Variants in GTF2IRD1 observed in about 807,000 individuals in gnomAD.
The protein encoded by GTF2IRD1 is GTF2I repeat domain containing 1, also known as general transcription factor II-I repeat domain-containing protein 1.
A neutral mutation model predicts 113.2 loss-of-function variants in GTF2IRD1; 26 were observed. That is an observed-to-expected ratio of 0.23 (90% CI 0.17 to 0.32). The LOEUF (loss-of-function observed/expected upper bound fraction) is 0.32, where lower values mean the gene tolerates loss of function less well. Ranked by LOEUF, GTF2IRD1 falls within the 10% of genes least tolerant of loss-of-function variation. The pLI, the probability that GTF2IRD1 is intolerant of heterozygous loss-of-function variation, is 1.00. For synonymous variants in GTF2IRD1, 484 were observed against 529.1 expected, an observed-to-expected ratio of 0.91 and a Z score of 1.17; for missense variants, 864 against 1,280.8, an observed-to-expected ratio of 0.67 and a Z score of 4.97.
At position 74,558,938 on chromosome 7, in the gene GTF2IRD1, G is replaced by A. The variant is rs1554358182; in HGVS notation, c.2185G>A (p.Glu729Lys). 5.6e-6 allele frequency: 9 copies of A among 1,614,072 alleles called. No individual in the cohort carries two copies. The highest frequency in any genetic ancestry group is 1.6e-4 in the Middle Eastern group (1 of 6,062). ...IKSNPGSVIIEGLPPGIPFRK... is the reference protein window; with the variant it reads ...IKSNPGSVIIKGLPPGIPFRK... ...GAGTAACCCCGGCTCCGTGATCATC[G>A]AGGGGCTGCCCCCAGGAATCCCGTT... The change falls in exon 21 of 27, where the codon GAG becomes AAG. Residue 729 changes from glutamate (E) to lysine (K), a missense_variant. Physicochemically the swap from Glu to Lys is moderately conservative, Grantham distance 56. This residue lies in a region of GTF2IRD1 where 195 missense variants were observed against 359.1 expected (regional missense o/e 0.54). Transcript: ENST00000424337.
At chr7:74,544,931 G>T in intron 15 of GTF2IRD1, 129 bp downstream of exon 15, 1 of 679,146 alleles carries the variant, frequency 1.5e-6, no homozygotes. Flanking sequence ...GCACCCTGGT[G>T]TGGGGGTGGG....
At chr7:74,505,956 T>TA (rs1455329719) in intron 1 of GTF2IRD1, 2 of 152,252 alleles carry the variant, frequency 1.3e-5, no homozygotes, top group Non-Finnish European at 1.5e-5. Context: ...CAAACTTCTA[T>TA]AAAATTGCAA....
chr7:74,510,306 A>ATT (rs35912885), intron 2 of GTF2IRD1, among the ~76,000 whole-genome samples: 9,075 of 137,092 alleles, frequency 0.066, 998 homozygotes, highest in African/African-American at 0.23. Context: ...GCTATTTGCA[A>ATT]TTTTTTTTTT....
chr7:74,579,635 A>G (rs1401822499), intron 22 of GTF2IRD1, among the ~76,000 whole-genome samples: 1 of 151,774 alleles, frequency 6.6e-6, no homozygotes, highest in African/African-American at 2.4e-5. Context: ...AAAAAAAAAA[A>G]ACTACAGTTC....
At position 74,555,434 on chromosome 7, in the gene GTF2IRD1, C is replaced by G; in HGVS notation, c.1967-4C>G. The G allele has an allele frequency of 6.2e-7, 1 of 1,614,000 alleles. No individual in the cohort carries two copies. Reference sequence around the variant, plus strand: ...TGGCTTCTCTCCCCCTGCCCTGCCCCCAGAGAGGGATTCCGGGGACCCTCT... The same window carrying G: ...TGGCTTCTCTCCCCCTGCCCTGCCCGCAGAGAGGGATTCCGGGGACCCTCT... On this transcript the variant is annotated splice_polypyrimidine_tract_variant and splice_region_variant and intron_variant, in intron 18 of 26. Coordinates refer to ENST00000424337, the MANE Select transcript of GTF2IRD1 (RefSeq NM_005685.4). This position sits in a 1 kb window ranked among gnomAD's most constrained non-coding sequence, Gnocchi z 5.3.
At chr7:74,589,612 C>T (rs1230690045) in intron 22 of GTF2IRD1, among the ~76,000 whole-genome samples, 4 of 151,766 alleles carry the variant, frequency 2.6e-5, no homozygotes, top group East Asian at 1.9e-4. Flanking sequence ...CAGGAGAATT[C>T]GCTTGAACCC....
intron 1 of GTF2IRD1, among the ~76,000 whole-genome samples, chr7:74,498,542 T>C (rs1554338625): frequency 6.6e-6 from 1 of 152,144 alleles, no homozygotes; most frequent in Admixed American, 6.6e-5. Context: ...AGAGAACTCC[T>C]ATTCACTCTT....
At chr7:74,503,015 A>C (rs782005156) in intron 1 of GTF2IRD1, among the ~76,000 whole-genome samples, 18 of 151,994 alleles carry the variant, frequency 1.2e-4, no homozygotes, top group Non-Finnish European at 1.8e-4. Flanking sequence ...AATAATACAA[A>C]AATTAGCCGG....
intron 17 of GTF2IRD1, among the ~76,000 whole-genome samples, chr7:74,549,338 A>C (rs1799153703): frequency 6.6e-6 from 1 of 151,946 alleles, no homozygotes; most frequent in African/African-American, 2.4e-5. Flanking sequence ...GTTTGGTTGA[A>C]AGTGGCAAGA....
intron 1 of GTF2IRD1, among the ~76,000 whole-genome samples, chr7:74,485,515 G>C (rs1398780417): frequency 6.6e-6 from 1 of 152,146 alleles, no homozygotes; most frequent in Non-Finnish European, 1.5e-5. Context: ...TACTCGGGAG[G>C]CTGAGGCAGG....
intron 1 of GTF2IRD1, among the ~76,000 whole-genome samples, chr7:74,457,525 C>T (rs1025727893): frequency 5.9e-5 from 9 of 152,148 alleles, no homozygotes; most frequent in Middle Eastern, 3.2e-3. Flanking sequence ...GTTCCCCACC[C>T]TGGTAGGAGT....
intron 1 of GTF2IRD1, chr7:74,507,606 G>C (rs1299077503): frequency 1.3e-5 from 2 of 157,956 alleles, no homozygotes; most frequent in Non-Finnish European, 2.8e-5. Context: ...GGTACATCTG[G>C]GAGTGGCACA....
At chr7:74,541,107 G>A (rs114002281) in intron 14 of GTF2IRD1, among the ~76,000 whole-genome samples, 2,221 of 152,018 alleles carry the variant, frequency 0.015, 56 homozygotes, top group African/African-American at 0.051. Context: ...TAGGTCCTGC[G>A]TAAGGGGCTG....
At chr7:74,508,351 A>G in intron 2 of GTF2IRD1, 148 bp downstream of exon 2, 1 of 793,122 alleles carries the variant, frequency 1.3e-6, no homozygotes, top group South Asian at 1.7e-5. Flanking sequence ...CGATGCCTGC[A>G]TCAAGGGTGT....
rs149691958 is a variant in GTF2IRD1 at position 74,600,995 on chromosome 7, C to G, written c.2630-49C>G. ...TTCCAGGGAGCTCAGGAGGCTGAGA[C>G]AGAAAAGCCTCAGCTTCCAGTGTCA... On this transcript the variant is annotated intron_variant, in intron 25 of 26. Transcript: ENST00000424337. The G allele has an allele frequency of 5.5e-4, 890 of 1,606,586 alleles. 5 individuals are homozygous for G. The East Asian group carries it at 0.016, about 28-fold the overall frequency.
intron 15 of GTF2IRD1, 131 bp from the exon 16 acceptor site, chr7:74,545,613 C>T: frequency 2.9e-6 from 2 of 689,808 alleles, no homozygotes; most frequent in Non-Finnish European, 5.4e-6. Flanking sequence ...ATAAGTTACC[C>T]ACCGCCCCAG....
chr7:74,499,940 A>G (rs1277847003), intron 1 of GTF2IRD1, among the ~76,000 whole-genome samples: 1 of 152,252 alleles, frequency 6.6e-6, no homozygotes, highest in African/African-American at 2.4e-5. Flanking sequence ...GAGTGAATGA[A>G]TACACACAAA....
At chr7:74,561,589 A>G (rs192443639) in intron 22 of GTF2IRD1, among the ~76,000 whole-genome samples, 111 of 150,846 alleles carry the variant, frequency 7.4e-4, no homozygotes, top group Non-Finnish European at 1.2e-3. Context: ...GTGTTTCCGG[A>G]GCTCTCGGAG....
chr7:74,515,071 A>AAG (rs1357085284), intron 3 of GTF2IRD1, among the ~76,000 whole-genome samples: 1 of 151,654 alleles, frequency 6.6e-6, no homozygotes, highest in African/African-American at 2.4e-5. Context: ...AAAAAAAAAA[A>AAG]AAAAAAAATA....
Sources: allele counts gnomAD v4.1 joint callset (sites outside exome capture counted in the v4.1 genomes callset), GRCh38; gene constraint gnomAD v4.1.1; regional missense constraint gnomAD v4.1.1; non-coding constraint Gnocchi (gnomAD v3.1); transcripts MANE v1.5; gene names NCBI Gene and HGNC (gene_info 2026-07-23, HGNC 2026-07-21).